NCK2: variants seen among roughly 807,000 people sequenced by gnomAD.
The protein encoded by NCK2 is NCK adaptor protein 2, also known as cytoplasmic protein NCK2.
Under a neutral mutation model 33.9 loss-of-function variants are expected in NCK2, and 16 were observed. The observed-to-expected ratio is 0.47, with a 90% confidence interval of 0.32 to 0.72. The LOEUF is 0.72. NCK2 is among the 30% of genes least tolerant of loss of function. The pLI is 0.03. For synonymous variants in NCK2, 273 were observed against 239.9 expected, an observed-to-expected ratio of 1.14 and a Z score of -1.27; for missense variants, 418 against 537.3, an observed-to-expected ratio of 0.78 and a Z score of 2.19.
chr2:105,744,535 T>C (rs1234661070), upstream of NCK2, among the ~76,000 whole-genome samples: 1 of 152,106 alleles, frequency 6.6e-6, no homozygotes, highest in Admixed American at 6.5e-5. Flanking sequence ...TTGCCGTCTG[T>C]GTTTTCACTC....
chr2:105,818,283 TGGGGGGA>T (rs79799777), intron 2 of NCK2, among the ~76,000 whole-genome samples: 5 of 63,362 alleles, frequency 7.9e-5, no homozygotes, highest in Admixed American at 1.9e-4. Flanking sequence ...TGTTTTGGGG[TGGGGGGA>T]GGGGGGAGGG....
intron 3 of NCK2, among the ~76,000 whole-genome samples, chr2:105,858,764 G>A (rs572954080): frequency 3.3e-4 from 50 of 152,334 alleles, no homozygotes; most frequent in East Asian, 1.2e-3. Flanking sequence ...GAGGAAAGAC[G>A]TGAGAACCTT....
At chr2:105,747,932 G>C (rs1030537850) in intron 1 of NCK2, among the ~76,000 whole-genome samples, 2 of 152,224 alleles carry the variant, frequency 1.3e-5, no homozygotes, top group Non-Finnish European at 2.9e-5. Flanking sequence ...AGGCCATTTA[G>C]TAGCACAATT....
intron 1 of NCK2, among the ~76,000 whole-genome samples, chr2:105,805,180 G>T (rs762104451): frequency 6.6e-6 from 1 of 152,162 alleles, no homozygotes; most frequent in Non-Finnish European, 1.5e-5. Flanking sequence ...AAGAGAGCAC[G>T]TTTGAGTTCC....
intron 1 of NCK2, among the ~76,000 whole-genome samples, chr2:105,762,511 G>A (rs1413919898): frequency 1.3e-5 from 2 of 152,232 alleles, no homozygotes; most frequent in Non-Finnish European, 2.9e-5. Context: ...ATTTCCTAAA[G>A]ACGGTGTCCT....
At chr2:105,772,081 A>G (rs1690152744) in intron 1 of NCK2, among the ~76,000 whole-genome samples, 1 of 152,156 alleles carries the variant, frequency 6.6e-6, no homozygotes, top group Non-Finnish European at 1.5e-5. Flanking sequence ...ATCCTGGCTC[A>G]GCCGAGGGCA....
intron 4 of NCK2, among the ~76,000 whole-genome samples, chr2:105,890,953 G>T (rs2104689644): frequency 6.6e-6 from 1 of 152,302 alleles, no homozygotes; most frequent in African/African-American, 2.4e-5. Flanking sequence ...GAAGTTTCTG[G>T]GCTTTGAGAA....
chr2:105,783,784 T>C (rs1158221390), intron 1 of NCK2, among the ~76,000 whole-genome samples: 1 of 152,182 alleles, frequency 6.6e-6, no homozygotes, highest in Non-Finnish European at 1.5e-5. Flanking sequence ...CTGAGCGACT[T>C]CAGTGTGCTT....
At chr2:105,887,958 G>A (rs1043217429) in intron 4 of NCK2, among the ~76,000 whole-genome samples, 2 of 152,192 alleles carry the variant, frequency 1.3e-5, no homozygotes, top group Admixed American at 6.5e-5. Flanking sequence ...CTAAAGGAAT[G>A]AATAATGGAA....
chr2:105,750,037 A>AACACACACAC (rs72315025), intron 1 of NCK2, among the ~76,000 whole-genome samples: 2,978 of 144,534 alleles, frequency 0.021, 58 homozygotes, highest in African/African-American at 0.045. Context: ...AAAGCAAACA[A>AACACACACAC]ACACACACAC....
At chr2:105,766,101 TC>T (rs1229900580) in intron 1 of NCK2, among the ~76,000 whole-genome samples, 1 of 152,094 alleles carries the variant, frequency 6.6e-6, no homozygotes, top group Non-Finnish European at 1.5e-5. Flanking sequence ...TTTATACTGT[TC>T]CCTTCAAGAG....
Position 105,823,152 on chromosome 2 carries a change from G to C in NCK2, c.-17+6539G>C, listed in dbSNP as rs1409166448. 4.6e-5 allele frequency among the ~76,000 whole-genome samples: 7 copies of C among 151,590 alleles called. No homozygotes were observed. The East Asian group carries it at 1.4e-3, about 29-fold the overall frequency. ...TCATGCTGTGTGTGTGTGTGTGTGT[G>C]TGTGTGTGTGTGTGTGTGTGTCACA... On this transcript the variant is annotated intron_variant, in intron 2 of 4. Transcript: ENST00000233154.
At chr2:105,783,290 G>A (rs1051490309) in intron 1 of NCK2, among the ~76,000 whole-genome samples, 4 of 152,172 alleles carry the variant, frequency 2.6e-5, no homozygotes, top group African/African-American at 9.7e-5. Context: ...AGCTTGGGTG[G>A]GCCCCCATCG....
chr2:105,808,015 G>A (rs1291705828), intron 1 of NCK2, among the ~76,000 whole-genome samples: 1 of 151,922 alleles, frequency 6.6e-6, no homozygotes, highest in African/African-American at 2.4e-5. Context: ...CCATTCTCCT[G>A]CCTTAGCCTC....
Position 105,881,792 on chromosome 2 carries a change from G to A in NCK2, c.691G>A (p.Asp231Asn). The A allele has an allele frequency of 6.2e-7, 1 of 1,612,854 alleles. No homozygotes were observed. Residue 231 changes from aspartate to asparagine, a missense_variant, in exon 4 of 5, where the codon GAC becomes AAC. Transcript: ENST00000233154. ...GGAGGTGATTGAGAAGCCGGAGAAC[G>A]ACCCCGAGTGGTGGAAATGCAAAAA... ...TMEVIEKPEN[D>N]PEWWKCKNAR...
chr2:105,746,374 C>G (rs1689289198), intron 1 of NCK2, among the ~76,000 whole-genome samples: 1 of 152,182 alleles, frequency 6.6e-6, no homozygotes, highest in Non-Finnish European at 1.5e-5. Context: ...GGCGCAGTCC[C>G]CGCTTCTCGG....
chr2:105,763,844 T>A (rs145896730), intron 1 of NCK2, among the ~76,000 whole-genome samples: 5 of 152,366 alleles, frequency 3.3e-5, no homozygotes, highest in African/African-American at 1.2e-4. Context: ...GCTCAGACAT[T>A]ACTTTCATTG....
chr2:105,837,619 A>G (rs1676482156), intron 2 of NCK2, among the ~76,000 whole-genome samples: 1 of 152,220 alleles, frequency 6.6e-6, no homozygotes, highest in Non-Finnish European at 1.5e-5. Context: ...GCATATAAGT[A>G]GAAGTGGAGC....
In NCK2 at chr2:105,881,775, T is replaced by C. The variant is rs1005968215; in HGVS notation, c.674T>C (p.Ile225Thr). Reference sequence around the variant, plus strand: ...GAGAAGGGGGAGACCATGGAGGTGATTGAGAAGCCGGAGAACGACCCCGAG... The same window carrying C: ...GAGAAGGGGGAGACCATGGAGGTGACTGAGAAGCCGGAGAACGACCCCGAG... ...NFEKGETMEV[I>T]EKPENDPEWW... The change falls in exon 4 of 5, where the codon ATT becomes ACT. Residue 225 changes from isoleucine (I) to threonine (T), a missense_variant. By Grantham distance (89) the Ile-to-Thr change is moderately conservative. Transcript: ENST00000233154. 6.8e-6 allele frequency: 11 copies of C among 1,613,870 alleles called. No homozygotes were observed. Among genetic ancestry groups the C allele is most frequent in the African/African-American group, 4.0e-5 (3 of 74,916 alleles).
Sources: gnomAD v4.1 joint callset for allele counts (sites outside exome capture counted in the v4.1 genomes callset) on GRCh38, gnomAD v4.1.1 for gene constraint, MANE v1.5 for transcripts, NCBI Gene and HGNC (gene_info 2026-07-23, HGNC 2026-07-21) for gene names.